The following CDH13 variants were observed in gnomAD, a reference collection of about 807,000 sequenced individuals.
CDH13 encodes the protein cadherin 13, also known as cadherin-13.
Under a neutral mutation model 63.8 loss-of-function variants are expected in CDH13, and 24 were observed. That is an observed-to-expected ratio of 0.38 (90% CI 0.27 to 0.53). The LOEUF (loss-of-function observed/expected upper bound fraction) is 0.53, where lower values mean the gene tolerates loss of function less well. Ranked by LOEUF, CDH13 falls within the 20% of genes least tolerant of loss-of-function variation. The probability of loss-of-function intolerance (pLI) is 0.85; values close to 1 mark genes in which losing one functional copy is unlikely to be tolerated. For missense variants in CDH13, 1,049 were observed against 903.1 expected, an observed-to-expected ratio of 1.16 and a Z score of -2.07; for synonymous variants, 503 against 355.3, an observed-to-expected ratio of 1.42 and a Z score of -4.67.
chr16:83,364,621 C>T (rs1007478750), intron 6 of CDH13, among the ~76,000 whole-genome samples: 1 of 152,140 alleles, frequency 6.6e-6, no homozygotes, highest in Non-Finnish European at 1.5e-5. Context: ...GGAGCTGGAA[C>T]TCCATTACTT....
chr16:83,269,125 A>G (rs563316666), intron 5 of CDH13, among the ~76,000 whole-genome samples: 23 of 152,324 alleles, frequency 1.5e-4, no homozygotes, highest in Middle Eastern at 3.4e-3. Flanking sequence ...TTTCTATTAC[A>G]AAAGCAGCTG....
chr16:82,934,727 G>A (rs1257386299), intron 2 of CDH13, among the ~76,000 whole-genome samples: 8 of 152,092 alleles, frequency 5.3e-5, no homozygotes, highest in Admixed American at 5.2e-4. Context: ...AGATCTCTAG[G>A]GCAAGGGCAA....
At chr16:82,867,750 A>C (rs2040200347) in intron 2 of CDH13, among the ~76,000 whole-genome samples, 1 of 152,228 alleles carries the variant, frequency 6.6e-6, no homozygotes, top group Admixed American at 6.5e-5. Context: ...GAGGAAATAC[A>C]CTGTCAGTGA....
At chr16:82,868,313 C>G (rs950705754) in intron 2 of CDH13, among the ~76,000 whole-genome samples, 4 of 152,162 alleles carry the variant, frequency 2.6e-5, no homozygotes, top group Non-Finnish European at 5.9e-5. Context: ...AAATGTTATG[C>G]TTTCACAGGT....
intron 1 of CDH13, among the ~76,000 whole-genome samples, chr16:82,819,261 A>C (rs946683386): frequency 3.3e-5 from 5 of 152,240 alleles, no homozygotes; most frequent in Admixed American, 6.5e-5. Flanking sequence ...TAGCCTGCTA[A>C]GCATGAAGGC....
chr16:83,467,302 A>G (rs1023473656), intron 6 of CDH13, among the ~76,000 whole-genome samples: 22 of 152,216 alleles, frequency 1.4e-4, no homozygotes, highest in African/African-American at 5.1e-4. Context: ...TTTTTATAGA[A>G]AAATATAAAG....
chr16:82,795,314 G>C (rs542243529), intron 1 of CDH13, among the ~76,000 whole-genome samples: 1 of 152,306 alleles, frequency 6.6e-6, no homozygotes, highest in South Asian at 2.1e-4. Flanking sequence ...TGGACCACCT[G>C]TGTGAGTTAA....
At chr16:82,629,210 C>T (rs542560324) in intron 1 of CDH13, among the ~76,000 whole-genome samples, 1 of 152,308 alleles carries the variant, frequency 6.6e-6, no homozygotes, top group East Asian at 1.9e-4. Flanking sequence ...TGTCTCCTCA[C>T]CCAGGGCCAG....
At chr16:83,588,310 C>CAAAGCA (rs1483209232) in intron 7 of CDH13, among the ~76,000 whole-genome samples, 5 of 152,230 alleles carry the variant, frequency 3.3e-5, no homozygotes, top group Non-Finnish European at 7.3e-5. Context: ...GGACCTGTAA[C>CAAAGCA]ATCTGCAGAC....
chr16:82,976,964 C>G (rs1459336387), intron 2 of CDH13, among the ~76,000 whole-genome samples: 3 of 152,228 alleles, frequency 2.0e-5, no homozygotes, highest in African/African-American at 7.2e-5. Context: ...GTCCATCAGT[C>G]TGGCTTTGTC....
chr16:83,428,955 GT>G (rs2072003321), intron 6 of CDH13, among the ~76,000 whole-genome samples: 1 of 152,144 alleles, frequency 6.6e-6, no homozygotes. Flanking sequence ...GGTTTGTTCG[GT>G]CATCACTTTC....
chr16:83,026,625 C>T (rs902732576), intron 2 of CDH13, among the ~76,000 whole-genome samples: 3 of 151,758 alleles, frequency 2.0e-5, no homozygotes, highest in Non-Finnish European at 4.4e-5. Flanking sequence ...TTAAAAGAGC[C>T]CTTAGGGGAG....
intron 1 of CDH13, among the ~76,000 whole-genome samples, chr16:82,799,181 T>G (rs2036732134): frequency 6.6e-6 from 1 of 152,218 alleles, no homozygotes; most frequent in African/African-American, 2.4e-5. Context: ...CCATGATGTT[T>G]GTAAGGGGGT....
intron 6 of CDH13, among the ~76,000 whole-genome samples, chr16:83,473,224 C>T (rs569071431): frequency 1.3e-5 from 2 of 152,170 alleles, no homozygotes; most frequent in Non-Finnish European, 1.5e-5. Context: ...ACTTTCATTG[C>T]TCGCATCAAT....
At chr16:83,701,860 C>G (rs1461959416) in intron 10 of CDH13, among the ~76,000 whole-genome samples, 1 of 152,170 alleles carries the variant, frequency 6.6e-6, no homozygotes, top group Non-Finnish European at 1.5e-5. Context: ...AGCTGCCTGG[C>G]TAATGTCTGC....
intron 10 of CDH13, among the ~76,000 whole-genome samples, chr16:83,718,915 G>C (rs1483830234): frequency 1.3e-5 from 2 of 152,210 alleles, no homozygotes; most frequent in Non-Finnish European, 2.9e-5. Context: ...TTGCTCCTGA[G>C]AGAGGTGCTG....
intron 1 of CDH13, among the ~76,000 whole-genome samples, chr16:82,669,895 G>C (rs1430549535): frequency 6.6e-6 from 1 of 152,160 alleles, no homozygotes; most frequent in Admixed American, 6.5e-5. Context: ...TATTTCTCCT[G>C]GCCCCATTGG....
intron 1 of CDH13, among the ~76,000 whole-genome samples, chr16:82,628,289 GAA>G (rs1907599854): frequency 6.6e-6 from 1 of 152,290 alleles, no homozygotes; most frequent in South Asian, 2.1e-4. Flanking sequence ...AGTAAGGAGG[GAA>G]AGAGACAGGG....
intron 1 of CDH13, among the ~76,000 whole-genome samples, chr16:82,814,615 G>A (rs1355043578): frequency 6.6e-6 from 1 of 152,154 alleles, no homozygotes; most frequent in African/African-American, 2.4e-5. Flanking sequence ...CTTTCCCTAT[G>A]CATCTCTTGG....
Sources: allele counts gnomAD v4.1 joint callset (sites outside exome capture counted in the v4.1 genomes callset), GRCh38; gene constraint gnomAD v4.1.1; transcripts MANE v1.5; gene names NCBI Gene and HGNC (gene_info 2026-07-23, HGNC 2026-07-21).